CPEB3: variants seen among roughly 807,000 people sequenced by gnomAD.
The protein encoded by CPEB3 is cytoplasmic polyadenylation element binding protein 3.
Under a neutral mutation model 67.2 loss-of-function variants are expected in CPEB3, and 20 were observed. The ratio of observed to expected loss-of-function variants is 0.30; its 90% CI spans 0.21 to 0.43. The LOEUF is 0.43. Ranked by LOEUF, CPEB3 falls within the 20% of genes least tolerant of loss-of-function variation. The probability of loss-of-function intolerance (pLI) is 1.00; values close to 1 mark genes in which losing one functional copy is unlikely to be tolerated. For missense variants in CPEB3, 746 were observed against 968.6 expected (o/e 0.77, Z 3.05); for synonymous variants, 376 against 393.1 (o/e 0.96, Z 0.51).
intron 2 of CPEB3, among the ~76,000 whole-genome samples, chr10:92,207,411 GA>G (rs1849844879): frequency 6.6e-6 from 1 of 152,178 alleles, no homozygotes; most frequent in South Asian, 2.1e-4. Context: ...CAGAAAGACA[GA>G]ATGGTTTTAA....
intron 3 of CPEB3, 68 bp from the exon 4 acceptor site, chr10:92,181,087 A>G (rs879654962): frequency 1.2e-6 from 1 of 831,550 alleles, no homozygotes; most frequent in Non-Finnish European, 2.0e-6. Flanking sequence ...ATCTTAAAAT[A>G]TAAACATTAC....
chr10:92,079,494 T>A (rs1843058698), intron 9 of CPEB3, among the ~76,000 whole-genome samples: 1 of 152,114 alleles, frequency 6.6e-6, no homozygotes, highest in Non-Finnish European at 1.5e-5. Context: ...AGGAATGGAG[T>A]TGAATCTTTA....
At chr10:92,147,036 T>C (rs1590238151) in intron 4 of CPEB3, among the ~76,000 whole-genome samples, 1 of 152,096 alleles carries the variant, frequency 6.6e-6, no homozygotes, top group African/African-American at 2.4e-5. Flanking sequence ...CCTTCAACAC[T>C]AGTAACATTA....
chr10:92,155,766 T>C (rs1847179128), intron 4 of CPEB3, among the ~76,000 whole-genome samples: 1 of 152,166 alleles, frequency 6.6e-6, no homozygotes, highest in Admixed American at 6.5e-5. Context: ...TAGGAAATAT[T>C]TAGTGTAGCA....
At position 92,183,038 on chromosome 10, in the gene CPEB3, G is replaced by A. The variant is rs367877856; in HGVS notation, c.1166-2019C>T. Among the ~76,000 whole-genome samples, 6 of 151,824 alleles carry A rather than the reference G, an allele frequency of 4.0e-5. 1 individual carries two copies. The highest frequency in any genetic ancestry group is 6.6e-5 in the Admixed American group (1 of 15,222). ...TCAATGAAAATTTTTAGTTTTTATC[G>A]TTTCAAACCTTATTAGGAAAAAAAT... On this transcript the variant is annotated intron_variant, in intron 3 of 9. Coordinates refer to ENST00000265997, the MANE Select transcript of CPEB3 (RefSeq NM_014912.5).
At chr10:92,150,755 C>A (rs528322029) in intron 4 of CPEB3, among the ~76,000 whole-genome samples, 110 of 151,982 alleles carry the variant, frequency 7.2e-4, no homozygotes, top group Non-Finnish European at 1.5e-3. Context: ...TAACATATTT[C>A]TTTTTTTTAA....
In CPEB3 at chr10:92,262,064, T is replaced by C. The variant is rs193121772; in HGVS notation, c.-11-21703A>G. Among the ~76,000 whole-genome samples, 874 of 152,342 alleles carry C rather than the reference T, an allele frequency of 5.7e-3. 6 individuals carry two copies. Among genetic ancestry groups the C allele is most frequent in the Non-Finnish European group, 0.01 (697 of 68,032 alleles). ...TATCTATAGGTTTTTGGCATAGCTG[T>C]AATCTGAAGTCATATCTGTTCTCTT... On this transcript the variant is annotated intron_variant, in intron 1 of 9. Transcript: ENST00000265997.
chr10:92,128,054 C>A (rs901814800), intron 6 of CPEB3, among the ~76,000 whole-genome samples: 2 of 152,160 alleles, frequency 1.3e-5, no homozygotes, highest in Admixed American at 6.5e-5. Context: ...AAACTTCATA[C>A]AGAAAATTGC....
At chr10:92,143,452 C>G (rs1042036376) in intron 5 of CPEB3, among the ~76,000 whole-genome samples, 1 of 152,066 alleles carries the variant, frequency 6.6e-6, no homozygotes, top group African/African-American at 2.4e-5. Context: ...TAGGAATGTT[C>G]TCTGATTTTA....
At chr10:92,221,543 C>T (rs899951931) in intron 2 of CPEB3, among the ~76,000 whole-genome samples, 3 of 152,140 alleles carry the variant, frequency 2.0e-5, no homozygotes, top group African/African-American at 7.2e-5. Context: ...ATATAATAAG[C>T]ATCTACTACA....
At chr10:92,151,597 C>T (rs1846972041) in intron 4 of CPEB3, among the ~76,000 whole-genome samples, 1 of 152,150 alleles carries the variant, frequency 6.6e-6, no homozygotes, top group African/African-American at 2.4e-5. Context: ...AATAGATTTA[C>T]TTCATATTAA....
chr10:92,228,782 C>A (rs1435461160), intron 2 of CPEB3, among the ~76,000 whole-genome samples: 1 of 151,116 alleles, frequency 6.6e-6, no homozygotes, highest in Non-Finnish European at 1.5e-5. Flanking sequence ...GGTGCAATCT[C>A]GGCTCACTGC....
At chr10:92,143,311 C>G (rs573441659) in intron 5 of CPEB3, among the ~76,000 whole-genome samples, 193 bp from the exon 6 acceptor site, 1 of 152,290 alleles carries the variant, frequency 6.6e-6, no homozygotes, top group African/African-American at 2.4e-5. Context: ...CACTTTTAAT[C>G]ATGCAAAGTG....
Position 92,145,055 on chromosome 10 carries a change from T to G in CPEB3, c.1253A>C (p.Gln418Pro). 2 of 1,614,088 alleles carry G rather than the reference T, an allele frequency of 1.2e-6. No homozygotes were observed. The highest frequency in any genetic ancestry group is 1.7e-6 in the Non-Finnish European group (2 of 1,179,948). The change falls in exon 5 of 10, where the codon CAA becomes CCA. Residue 418 changes from glutamine (Q) to proline (P), a missense_variant. Physicochemically the swap from Gln to Pro is moderately conservative, Grantham distance 76. Around this residue, in one of 2 missense-constraint regions of CPEB3, gnomAD observed 643 missense variants for 717.5 expected, o/e 0.90. Coordinates refer to ENST00000265997, the MANE Select transcript of CPEB3 (RefSeq NM_014912.5). Reference protein sequence around the residue: ...NAFLDDSHGDQALSSGLSSPT... With the variant: ...NAFLDDSHGDPALSSGLSSPT... ...AGAACTTAAGCCAGATGACAAGGCT[T>G]GATCACCATGGCTATCATCCAGGAA...
chr10:92,048,473 A>C lies in CPEB3; in HGVS notation c.*3739T>G, dbSNP rs971794024. 2.0e-5 allele frequency: 3 copies of C among 151,854 alleles called. No individual in the cohort carries two copies. The highest frequency in any genetic ancestry group is 7.3e-5 in the African/African-American group (3 of 41,210). 9.4% of individuals were successfully genotyped at this position (151,854 alleles called of 1,614,324 possible). Reference sequence around the variant, plus strand: ...TTCTGTTGACTTAGCCAGATTTTAAACCCAGTGGTACTTCGGTTGGGTGAC... The same window carrying C: ...TTCTGTTGACTTAGCCAGATTTTAACCCCAGTGGTACTTCGGTTGGGTGAC... On this transcript the variant is annotated 3_prime_UTR_variant, in exon 10 of 10. Transcript: ENST00000265997. This position sits in a 1 kb window ranked among gnomAD's most constrained non-coding sequence, Gnocchi z 4.1.
At chr10:92,095,597 T>TAC (rs1843824093) in intron 7 of CPEB3, among the ~76,000 whole-genome samples, 1 of 82,280 alleles carries the variant, frequency 1.2e-5, no homozygotes, top group Non-Finnish European at 2.3e-5. Context: ...TATATATATA[T>TAC]ATATTTTTTT....
intron 9 of CPEB3, among the ~76,000 whole-genome samples, chr10:92,057,432 C>A (rs1030468807): frequency 1.3e-5 from 2 of 152,194 alleles, no homozygotes; most frequent in African/African-American, 4.8e-5. Context: ...AGTCACAATA[C>A]AATAGAATAC....
intron 7 of CPEB3, among the ~76,000 whole-genome samples, chr10:92,105,722 T>G (rs1375600983): frequency 2.0e-5 from 3 of 146,510 alleles, no homozygotes; most frequent in East Asian, 2.0e-4. Flanking sequence ...TGGGTTTTTT[T>G]TTTTTTTTTT....
At chr10:92,168,647 A>C (rs959960018) in intron 4 of CPEB3, among the ~76,000 whole-genome samples, 4 of 152,054 alleles carry the variant, frequency 2.6e-5, no homozygotes, top group African/African-American at 9.7e-5. Flanking sequence ...TGGTTTTATA[A>C]GTAGCTTTCC....
Sources: gnomAD v4.1 joint callset for allele counts (sites outside exome capture counted in the v4.1 genomes callset) on GRCh38, gnomAD v4.1.1 for gene constraint, gnomAD v4.1.1 regional missense constraint, Gnocchi (gnomAD v3.1) non-coding constraint, MANE v1.5 for transcripts, NCBI Gene and HGNC (gene_info 2026-07-23, HGNC 2026-07-21) for gene names.